Variants in PPARGC1A observed in about 807,000 individuals in gnomAD.
PPARGC1A encodes PPARG coactivator 1 alpha.
PPARGC1A carries 25 observed loss-of-function variants against 88.7 expected under a neutral mutation model. The ratio of observed to expected loss-of-function variants is 0.28; its 90% CI spans 0.21 to 0.39. The LOEUF (loss-of-function observed/expected upper bound fraction) is 0.39. Ranked by LOEUF, PPARGC1A falls within the 10% of genes least tolerant of loss-of-function variation. The pLI is 1.00. For missense variants in PPARGC1A, 880 were observed against 968.7 expected, an observed-to-expected ratio of 0.91 and a Z score of 1.22; for synonymous variants, 363 against 355.6, an observed-to-expected ratio of 1.02 and a Z score of -0.24.
chr4:23,845,511 A>C (rs1728157530), intron 2 of PPARGC1A, among the ~76,000 whole-genome samples: 1 of 152,106 alleles, frequency 6.6e-6, no homozygotes, highest in East Asian at 1.9e-4. Context: ...AATGAGAGAA[A>C]ATTGTCTCAA....
At chr4:24,421,424 C>T in the PPARGC1A span, among the ~76,000 whole-genome samples, 1 of 151,860 alleles carries the variant, frequency 6.6e-6, no homozygotes, top group Non-Finnish European at 1.5e-5. Flanking sequence ...CCTTCTCCTG[C>T]CTCAGCCTCC....
chr4:23,870,611 ATAAG>A (rs937159895), intron 2 of PPARGC1A, among the ~76,000 whole-genome samples: 2 of 152,230 alleles, frequency 1.3e-5, no homozygotes, highest in African/African-American at 4.8e-5. Flanking sequence ...CATTTAAATC[ATAAG>A]TAAAGCAAAA....
chr4:24,207,100 G>C, the PPARGC1A span, among the ~76,000 whole-genome samples: 2 of 151,850 alleles, frequency 1.3e-5, no homozygotes, highest in Non-Finnish European at 2.9e-5. Context: ...GATGTAGCTA[G>C]GTAATTATAC....
At position 23,829,602 on chromosome 4, in the gene PPARGC1A, G is replaced by C. The variant is rs774913108; in HGVS notation, c.430-17C>G. 1.9e-6 allele frequency: 3 copies of C among 1,604,000 alleles called. No homozygotes were observed. The highest frequency in any genetic ancestry group is 4.5e-5 in the East Asian group (2 of 44,812). ...CTTCTTAAGCTAGAAACATTATCAG[G>C]GAAAGGGAAAAGCAAGTAAAGTTAT... On this transcript the variant is annotated splice_polypyrimidine_tract_variant and intron_variant, in intron 3 of 12. Transcript: ENST00000264867.
chr4:23,831,510 G>C (rs941658941), intron 3 of PPARGC1A, 47 bp downstream of exon 3: 1 of 1,544,308 alleles, frequency 6.5e-7, no homozygotes, highest in African/African-American at 1.4e-5. Context: ...GCAGCGGGTA[G>C]CCAGAGGCAA....
the PPARGC1A span, among the ~76,000 whole-genome samples, chr4:24,168,641 A>C: frequency 7.1e-6 from 1 of 141,366 alleles, no homozygotes; most frequent in African/African-American, 3.0e-5. Flanking sequence ...ACACAGACAT[A>C]GACACACACA....
At chr4:24,449,613 T>C in the PPARGC1A span, among the ~76,000 whole-genome samples, 4 of 152,218 alleles carry the variant, frequency 2.6e-5, no homozygotes, top group Non-Finnish European at 4.4e-5. Flanking sequence ...CTCTGACTTG[T>C]GATTGAAAGA....
chr4:24,223,020 A>T, the PPARGC1A span, among the ~76,000 whole-genome samples: 1 of 152,180 alleles, frequency 6.6e-6, no homozygotes, highest in African/African-American at 2.4e-5. Flanking sequence ...ACATATACTC[A>T]AGCATACCTT....
chr4:23,797,200 C>T (rs1309403996), intron 12 of PPARGC1A, among the ~76,000 whole-genome samples: 1 of 152,032 alleles, frequency 6.6e-6, no homozygotes, highest in Non-Finnish European at 1.5e-5. Context: ...AAAACGGAGA[C>T]AAAACTGGCC....
the PPARGC1A span, among the ~76,000 whole-genome samples, chr4:24,318,319 C>G: frequency 6.6e-6 from 1 of 152,188 alleles, no homozygotes; most frequent in Non-Finnish European, 1.5e-5. Context: ...TGAAATGACA[C>G]AAGCTGTTTC....
chr4:24,325,015 C>T, the PPARGC1A span, among the ~76,000 whole-genome samples: 1 of 152,188 alleles, frequency 6.6e-6, no homozygotes. Context: ...CTGACTAGCC[C>T]TCCCCCACCT....
At chr4:24,017,811 AG>A in the PPARGC1A span, among the ~76,000 whole-genome samples, 6 of 152,226 alleles carry the variant, frequency 3.9e-5, no homozygotes, top group African/African-American at 1.4e-4. Flanking sequence ...AAATGGCAAA[AG>A]TGTCTAAGGA....
At chr4:24,354,298 T>C in the PPARGC1A span, among the ~76,000 whole-genome samples, 3 of 152,128 alleles carry the variant, frequency 2.0e-5, no homozygotes, top group East Asian at 5.8e-4. Flanking sequence ...GTAATCTTAA[T>C]CATATCTGCA....
the PPARGC1A span, among the ~76,000 whole-genome samples, chr4:24,056,551 T>C: frequency 1.3e-5 from 2 of 152,176 alleles, no homozygotes; most frequent in African/African-American, 2.4e-5. Context: ...TTGATCTGTG[T>C]CGATATGGCC....
At chr4:23,980,749 C>T in the PPARGC1A span, among the ~76,000 whole-genome samples, 267 of 152,194 alleles carry the variant, frequency 1.8e-3, no homozygotes, top group Non-Finnish European at 3.0e-3. Flanking sequence ...GATATTCTAC[C>T]CCTACCACCT....
the PPARGC1A span, among the ~76,000 whole-genome samples, chr4:24,161,607 C>T: frequency 1.3e-5 from 2 of 152,120 alleles, no homozygotes; most frequent in African/African-American, 2.4e-5. Flanking sequence ...GAGCCTGGGC[C>T]GGCAGCAAAC....
intron 2 of PPARGC1A, among the ~76,000 whole-genome samples, chr4:23,852,065 A>G (rs1207340599): frequency 6.6e-6 from 1 of 152,114 alleles, no homozygotes; most frequent in Non-Finnish European, 1.5e-5. Flanking sequence ...ACATTTTTCT[A>G]CTTGTCCCCA....
the PPARGC1A span, among the ~76,000 whole-genome samples, chr4:24,416,894 G>T: frequency 6.6e-6 from 1 of 152,152 alleles, no homozygotes; most frequent in East Asian, 1.9e-4. Context: ...AGCCAGGCAT[G>T]GTGGCGTCTG....
the PPARGC1A span, among the ~76,000 whole-genome samples, chr4:24,190,190 A>AAGTAATCT: frequency 6.6e-6 from 1 of 152,252 alleles, no homozygotes; most frequent in South Asian, 2.1e-4. Context: ...CCACCCATGG[A>AAGTAATCT]TACAACAGGC....
Sources: allele counts gnomAD v4.1 joint callset (sites outside exome capture counted in the v4.1 genomes callset), GRCh38; gene constraint gnomAD v4.1.1; transcripts MANE v1.5; gene names NCBI Gene and HGNC (gene_info 2026-07-23, HGNC 2026-07-21).